KIRREL1: variants seen among roughly 807,000 people sequenced by gnomAD.
KIRREL1 encodes kirre like nephrin family adhesion molecule 1, also known as kin of IRRE-like protein 1.
In KIRREL1, 25 loss-of-function variants were observed where a neutral mutation model predicts 83.3. That is an observed-to-expected ratio of 0.30 (90% confidence interval 0.22 to 0.42). KIRREL1 has a LOEUF of 0.42. Ranked by LOEUF, KIRREL1 falls within the 10% of genes least tolerant of loss-of-function variation. The pLI is 1.00. For missense variants in KIRREL1, 812 were observed against 1,032.3 expected, an observed-to-expected ratio of 0.79 and a Z score of 2.92; for synonymous variants, 388 against 410.4, an observed-to-expected ratio of 0.95 and a Z score of 0.66.
intron 1 of KIRREL1, among the ~76,000 whole-genome samples, chr1:158,070,331 T>G (rs992183439): frequency 3.9e-5 from 6 of 152,214 alleles, no homozygotes; most frequent in Non-Finnish European, 5.9e-5. Flanking sequence ...CAGCTGTACC[T>G]TAAGCACCCT....
At chr1:158,089,050 G>A (rs948879691) in intron 8 of KIRREL1, among the ~76,000 whole-genome samples, 14 of 152,030 alleles carry the variant, frequency 9.2e-5, no homozygotes, top group African/African-American at 3.4e-4. Context: ...TAAAGGTCTG[G>A]TAAATAATGC....
intron 8 of KIRREL1, among the ~76,000 whole-genome samples, chr1:158,088,794 T>G (rs934397844): frequency 6.6e-6 from 1 of 152,266 alleles, no homozygotes; most frequent in Admixed American, 6.5e-5. Context: ...TTACTGCGTG[T>G]TCTGAATGCT....
intron 1 of KIRREL1, among the ~76,000 whole-genome samples, chr1:158,017,189 T>C (rs6661931): frequency 0.96 from 146,070 of 152,160 alleles, 70,386 homozygotes; most frequent in East Asian, 1. Context: ...GGCATCTCCC[T>C]GGGCAAGTTC....
chr1:158,001,526 A>C (rs986318252), intron 1 of KIRREL1, among the ~76,000 whole-genome samples: 3 of 152,200 alleles, frequency 2.0e-5, no homozygotes, highest in Non-Finnish European at 4.4e-5. Flanking sequence ...GTGTGGAGTC[A>C]TTGGTGCCGT....
At chr1:157,995,075 G>C (rs765285183) in intron 1 of KIRREL1, among the ~76,000 whole-genome samples, 6 of 152,236 alleles carry the variant, frequency 3.9e-5, no homozygotes, top group Non-Finnish European at 7.3e-5. Context: ...TCCTCTTTTA[G>C]GGGGTGTCTG....
At chr1:158,026,321 G>A (rs1660172302) in intron 1 of KIRREL1, among the ~76,000 whole-genome samples, 1 of 152,146 alleles carries the variant, frequency 6.6e-6, no homozygotes, top group Non-Finnish European at 1.5e-5. Context: ...GTCCTGCCAG[G>A]TAATGTATAG....
Position 158,095,165 on chromosome 1 carries a change from G to A in KIRREL1, c.*45G>A, listed in dbSNP as rs527725842. ...GCATCTCTGCGGGGCAGAGGAGAAG[G>A]CTTTCACAGCTGTTCCCTGATATTC... On this transcript the variant is annotated 3_prime_UTR_variant, in exon 15 of 15. Transcript: ENST00000359209. The A allele has an allele frequency of 2.3e-5, 30 of 1,330,402 alleles. 1 individual carries two copies. The Admixed American group carries it at 3.8e-4, about 17-fold the overall frequency. The allele number at this position is 1,330,402 out of a possible 1,614,324, so 82.4% of individuals were successfully genotyped here.
chr1:158,077,914 G>C, intron 2 of KIRREL1, 77 bp from the exon 3 acceptor site: 1 of 1,524,168 alleles, frequency 6.6e-7, no homozygotes, highest in East Asian at 2.3e-5. Context: ...AGAGGGCAGA[G>C]GGAGGAGTAC....
At chr1:158,090,477 T>C (rs949930252) in intron 10 of KIRREL1, among the ~76,000 whole-genome samples, 8 of 152,352 alleles carry the variant, frequency 5.3e-5, no homozygotes, top group African/African-American at 1.7e-4. Context: ...ACTCCAGGGC[T>C]GCCCAGGGAC....
chr1:158,027,016 ACTAT>A (rs1660192649), intron 1 of KIRREL1, among the ~76,000 whole-genome samples: 1 of 152,052 alleles, frequency 6.6e-6, no homozygotes, highest in African/African-American at 2.4e-5. Flanking sequence ...CAACTCTGAC[ACTAT>A]CTACCTGGAG....
At chr1:158,023,318 T>C (rs1400140267) in intron 1 of KIRREL1, among the ~76,000 whole-genome samples, 1 of 152,214 alleles carries the variant, frequency 6.6e-6, no homozygotes, top group Non-Finnish European at 1.5e-5. Flanking sequence ...GTCAATAGTA[T>C]GTTTTCATTT....
chr1:158,004,639 C>G (rs1437068449), intron 1 of KIRREL1, among the ~76,000 whole-genome samples: 3 of 152,138 alleles, frequency 2.0e-5, no homozygotes, highest in Non-Finnish European at 4.4e-5. Flanking sequence ...TAAGCTTAAC[C>G]ATCATTTTAA....
chr1:157,996,227 A>G (rs1384665290), intron 1 of KIRREL1, among the ~76,000 whole-genome samples: 1 of 152,106 alleles, frequency 6.6e-6, no homozygotes, highest in East Asian at 1.9e-4. Context: ...TTCATTTTTC[A>G]CTAAATAATT....
chr1:158,078,455 T>C (rs1219449726), intron 3 of KIRREL1, among the ~76,000 whole-genome samples: 1 of 151,894 alleles, frequency 6.6e-6, no homozygotes, highest in Non-Finnish European at 1.5e-5. Context: ...ACGTATGGAG[T>C]GATGGAGACC....
intron 1 of KIRREL1, among the ~76,000 whole-genome samples, chr1:158,042,122 G>A (rs1045097484): frequency 4.6e-5 from 7 of 152,160 alleles, no homozygotes; most frequent in Admixed American, 2.0e-4. Context: ...GGCTTGGAGG[G>A]AGGGACAAGA....
chr1:158,016,778 C>A (rs1347836514), intron 1 of KIRREL1, among the ~76,000 whole-genome samples: 1 of 152,128 alleles, frequency 6.6e-6, no homozygotes, highest in Admixed American at 6.5e-5. Context: ...TGAGAGCTGA[C>A]AGCATTTCGT....
chr1:158,054,480 A>G (rs1244506025), intron 1 of KIRREL1, among the ~76,000 whole-genome samples: 1 of 152,172 alleles, frequency 6.6e-6, no homozygotes, highest in Non-Finnish European at 1.5e-5. Context: ...CTATGCCTGT[A>G]CCAGGAACTT....
At chr1:157,996,813 C>T (rs561527629) in intron 1 of KIRREL1, among the ~76,000 whole-genome samples, 2 of 152,330 alleles carry the variant, frequency 1.3e-5, no homozygotes, top group Non-Finnish European at 2.9e-5. Flanking sequence ...CCACTTTCTG[C>T]CTTCTACTCA....
At chr1:158,013,903 G>A (rs1013781503) in intron 1 of KIRREL1, among the ~76,000 whole-genome samples, 2 of 152,152 alleles carry the variant, frequency 1.3e-5, no homozygotes, top group Non-Finnish European at 2.9e-5. Context: ...GTGGTCCCTG[G>A]AGGATTTTAG....
Sources: gnomAD v4.1 joint callset for allele counts (sites outside exome capture counted in the v4.1 genomes callset) on GRCh38, gnomAD v4.1.1 for gene constraint, MANE v1.5 for transcripts, NCBI Gene and HGNC (gene_info 2026-07-23, HGNC 2026-07-21) for gene names.